PHYHIPL: variants seen among roughly 807,000 people sequenced by gnomAD.
PHYHIPL encodes phytanoyl-CoA hydroxylase-interacting protein-like.
A neutral mutation model predicts 33.4 loss-of-function variants in PHYHIPL; 9 were observed. The observed-to-expected ratio is 0.27, with a 90% CI of 0.16 to 0.47. The LOEUF (loss-of-function observed/expected upper bound fraction) is 0.47. PHYHIPL is among the 20% of genes least tolerant of loss of function. The pLI, the probability that PHYHIPL is intolerant of heterozygous loss-of-function variation, is 0.99. For synonymous variants in PHYHIPL, 153 were observed against 154.1 expected (o/e 0.99, Z 0.05); for missense variants, 365 against 460.7 (o/e 0.79, Z 1.90).
intron 1 of PHYHIPL, among the ~76,000 whole-genome samples, chr10:59,211,663 C>CAAAAA (rs1564710051): frequency 4.5e-4 from 1 of 2,230 alleles, no homozygotes; most frequent in Non-Finnish European, 3.7e-3. Context: ...GGCGGACTCT[C>CAAAAA]TAAAAAAAAA....
intron 2 of PHYHIPL, 49 bp from the exon 3 acceptor site, chr10:59,236,432 CCT>C (rs765384613): frequency 1.7e-6 from 2 of 1,198,944 alleles, no homozygotes; most frequent in Non-Finnish European, 2.3e-6. Flanking sequence ...TTCCTTCGTC[CCT>C]CTCTGTCTCC....
At chr10:59,224,500 A>C (rs867266684) in intron 1 of PHYHIPL, among the ~76,000 whole-genome samples, 12 of 120,840 alleles carry the variant, frequency 9.9e-5, no homozygotes, top group South Asian at 5.8e-4. Flanking sequence ...CAAAACAAAA[A>C]ACAAAACAAA....
chr10:59,218,484 A>T (rs1338640993), intron 1 of PHYHIPL, among the ~76,000 whole-genome samples: 1 of 152,174 alleles, frequency 6.6e-6, no homozygotes, highest in Non-Finnish European at 1.5e-5. Context: ...TACAATGTAG[A>T]ATGATAGGGT....
intron 4 of PHYHIPL, among the ~76,000 whole-genome samples, chr10:59,242,619 A>T (rs1015820309): frequency 6.6e-6 from 1 of 152,214 alleles, no homozygotes; most frequent in African/African-American, 2.4e-5. Flanking sequence ...TGACAAAGAT[A>T]TTTAAGCAGC....
Position 59,198,339 on chromosome 10 carries a change from T to G in PHYHIPL, c.106+21380T>G, listed in dbSNP as rs145010267. Among the ~76,000 whole-genome samples the G allele has an allele frequency of 4.7e-3, 716 of 152,226 alleles. 12 individuals carry two copies. The highest frequency in any genetic ancestry group is 0.017 in the African/African-American group (687 of 41,526). On this transcript the variant is annotated intron_variant, in intron 1 of 4. Transcript: ENST00000373880. ...TGTCCTTGCGATAGTTTTCTGAGAATGATGGTTTCCAGCTTCATCCATGTC... is the reference window on the plus strand; with the variant it reads ...TGTCCTTGCGATAGTTTTCTGAGAAGGATGGTTTCCAGCTTCATCCATGTC...
At chr10:59,237,362 A>G (rs550056021) in intron 3 of PHYHIPL, among the ~76,000 whole-genome samples, 21 of 152,046 alleles carry the variant, frequency 1.4e-4, no homozygotes, top group African/African-American at 2.4e-4. Flanking sequence ...TTCAGTGTTA[A>G]TGGGATACCA....
chr10:59,240,039 T>C (rs1840344093), intron 4 of PHYHIPL, among the ~76,000 whole-genome samples: 1 of 152,136 alleles, frequency 6.6e-6, no homozygotes, highest in African/African-American at 2.4e-5. Flanking sequence ...TCTGTGTTCT[T>C]CAAATTAAGT....
rs769906295 is a variant in PHYHIPL, at chr10:59,245,066, T to C, written c.606T>C (p.His202=). ...TTGTTTTCTCTTGCAGAGAACATCA[T>C]GGGAATGCTATGCAGCCATCTGTCA... ...KEYFDYVREH[H]GNAMQPSVKD... The change falls in exon 5 of 5, where the codon CAT becomes CAC. Residue 202 remains histidine (H), a synonymous_variant. Coordinates refer to ENST00000373880, the MANE Select transcript of PHYHIPL (RefSeq NM_032439.4). The C allele has an allele frequency of 4.4e-6, 7 of 1,608,264 alleles. No homozygotes were observed. Among genetic ancestry groups the C allele is most frequent in the African/African-American group, 1.3e-5 (1 of 74,814 alleles).
At chr10:59,214,555 GA>G (rs1268286981) in intron 1 of PHYHIPL, among the ~76,000 whole-genome samples, 1 of 151,998 alleles carries the variant, frequency 6.6e-6, no homozygotes, top group South Asian at 2.1e-4. Context: ...TGTATTGTGG[GA>G]TTTTATAAAA....
chr10:59,242,774 C>T (rs1840447812), intron 4 of PHYHIPL, among the ~76,000 whole-genome samples: 1 of 152,028 alleles, frequency 6.6e-6, no homozygotes, highest in Admixed American at 6.6e-5. Flanking sequence ...GCTGGATAGA[C>T]TCCATGGATT....
intron 4 of PHYHIPL, among the ~76,000 whole-genome samples, chr10:59,242,547 C>T (rs886102996): frequency 6.6e-6 from 1 of 151,958 alleles, no homozygotes; most frequent in Non-Finnish European, 1.5e-5. Flanking sequence ...AAAATCTTAA[C>T]CTGAATGAGA....
At chr10:59,173,645 T>G (rs1051424685), upstream of PHYHIPL, among the ~76,000 whole-genome samples, 3 of 152,212 alleles carry the variant, frequency 2.0e-5, no homozygotes, top group African/African-American at 7.2e-5. Flanking sequence ...CTTTTGGCTA[T>G]GTGGCAGGGC....
rs2133318496 is a variant in PHYHIPL at position 59,246,292 on chromosome 10, T to G, written c.*701T>G. 5.8e-6 allele frequency: 1 copy of G among 172,302 alleles called. No homozygotes were observed. Among genetic ancestry groups the G allele is most frequent in the Non-Finnish European group, 1.2e-5 (1 of 81,268 alleles). The allele number at this position is 172,302 out of a possible 1,614,324, so 10.7% of individuals were successfully genotyped here. On this transcript the variant is annotated 3_prime_UTR_variant, in exon 5 of 5. Transcript: ENST00000373880. Reference sequence around the variant, plus strand: ...ACCTCAAATAGTTGTGTATCTGTCCTGTTAGAAGTAGATGACTTCAATTAA... The same window carrying G: ...ACCTCAAATAGTTGTGTATCTGTCCGGTTAGAAGTAGATGACTTCAATTAA...
At chr10:59,174,135 T>C (rs550544447), upstream of PHYHIPL, among the ~76,000 whole-genome samples, 298 of 152,008 alleles carry the variant, frequency 2.0e-3, no homozygotes, top group African/African-American at 7.0e-3. Context: ...TTCTCTGTCC[T>C]TGAGTTTTCC....
intron 1 of PHYHIPL, among the ~76,000 whole-genome samples, chr10:59,201,469 T>C (rs560557282): frequency 6.6e-6 from 1 of 152,328 alleles, no homozygotes; most frequent in East Asian, 1.9e-4. Context: ...AAGAGAGCTT[T>C]ACTTCCAACT....
chr10:59,177,258 G>C (rs1838278314), intron 1 of PHYHIPL: 3 of 596,114 alleles, frequency 5.0e-6, no homozygotes, highest in East Asian at 3.0e-5. Context: ...CTCCTGCCCC[G>C]ACGAGGCGTT....
upstream of PHYHIPL, among the ~76,000 whole-genome samples, chr10:59,174,092 T>C (rs1222688291): frequency 1.3e-5 from 2 of 151,906 alleles, no homozygotes; most frequent in Non-Finnish European, 2.9e-5. Context: ...CAGCCTGATA[T>C]CTTCCCAGAT....
At chr10:59,209,188 G>A (rs1336132792) in intron 1 of PHYHIPL, among the ~76,000 whole-genome samples, 16 of 152,140 alleles carry the variant, frequency 1.1e-4, no homozygotes, top group African/African-American at 3.6e-4. Flanking sequence ...GAAAGGTTGG[G>A]TTACCCACAA....
At position 59,244,982 on chromosome 10, in the gene PHYHIPL, T is replaced by C. The variant is rs1448369953; in HGVS notation, c.597-75T>C. 8.8e-6 allele frequency: 13 copies of C among 1,472,564 alleles called. No individual in the cohort carries two copies. In the Admixed American group the frequency reaches 2.3e-4, roughly 26 times the overall value. 91.2% of individuals were successfully genotyped at this position (1,472,564 alleles called of 1,614,324 possible). ...CCTTTAACAGTAGATGTTTGACTTTTAGGCCATTCAAATATATAAATCAGT... is the reference window on the plus strand; with the variant it reads ...CCTTTAACAGTAGATGTTTGACTTTCAGGCCATTCAAATATATAAATCAGT... On this transcript the variant is annotated intron_variant, in intron 4 of 4. Coordinates refer to ENST00000373880, the MANE Select transcript of PHYHIPL (RefSeq NM_032439.4).
Sources: allele counts gnomAD v4.1 joint callset (sites outside exome capture counted in the v4.1 genomes callset), GRCh38; gene constraint gnomAD v4.1.1; transcripts MANE v1.5; gene names NCBI Gene and HGNC (gene_info 2026-07-23, HGNC 2026-07-21).